The following ADAM22 variants were observed in gnomAD, a reference collection of about 807,000 sequenced individuals.
ADAM22 encodes disintegrin and metalloproteinase domain-containing protein 22.
In ADAM22, 65 loss-of-function variants were observed where a neutral mutation model predicts 144.6. That is an observed-to-expected ratio of 0.45 (90% confidence interval 0.37 to 0.55). ADAM22 has a LOEUF of 0.55. ADAM22 is among the 20% of genes least tolerant of loss of function. ADAM22 has a pLI of 0.00. For missense variants in ADAM22, 974 were observed against 1,184.9 expected, an observed-to-expected ratio of 0.82 and a Z score of 2.61; for synonymous variants, 391 against 412.6, an observed-to-expected ratio of 0.95 and a Z score of 0.63.
chr7:87,974,572 G>A (rs894292017), intron 2 of ADAM22, among the ~76,000 whole-genome samples: 1 of 152,186 alleles, frequency 6.6e-6, no homozygotes, highest in Admixed American at 6.5e-5. Flanking sequence ...CCAAACTGTG[G>A]AGGAAAGTGA....
intron 18 of ADAM22, among the ~76,000 whole-genome samples, chr7:88,149,721 T>C (rs1316610456): frequency 2.0e-5 from 3 of 152,166 alleles, no homozygotes; most frequent in Non-Finnish European, 4.4e-5. Flanking sequence ...AAAAATGCTG[T>C]CAGATTATTA....
At chr7:87,995,193 A>G (rs1217037174) in intron 3 of ADAM22, among the ~76,000 whole-genome samples, 2 of 152,198 alleles carry the variant, frequency 1.3e-5, no homozygotes, top group African/African-American at 2.4e-5. Flanking sequence ...TCCCTCTGCA[A>G]AAATGATATT....
chr7:87,982,068 T>TATATATATATATAC (rs1244517564), intron 3 of ADAM22, among the ~76,000 whole-genome samples: 3 of 93,742 alleles, frequency 3.2e-5, no homozygotes, highest in African/African-American at 4.6e-5. Context: ...TATATATATA[T>TATATATATATATAC]ACACACACAC....
At chr7:88,081,675 C>A in intron 4 of ADAM22, among the ~76,000 whole-genome samples, 1 of 117,968 alleles carries the variant, frequency 8.5e-6, no homozygotes, top group South Asian at 3.6e-4. Flanking sequence ...CCAAAAATCA[C>A]AAGCATTCTT....
In ADAM22 at chr7:87,944,522, C is replaced by CGT. The variant is rs1350695045; in HGVS notation, c.246+9336_246+9337insGT. Among the ~76,000 whole-genome samples, 9 of 152,210 alleles carry CGT rather than the reference C, an allele frequency of 5.9e-5. No homozygotes were observed. In the East Asian group the frequency reaches 1.7e-3, roughly 29 times the overall value. On this transcript the variant is annotated intron_variant, in intron 2 of 31. Transcript: ENST00000413139. ...GGCATAAGTGGCAGTTGAGGCTACA[C>CGT]ATAGCTTGGTGGTATTAATCTAAAG...
At chr7:88,119,408 T>G (rs930706614) in intron 7 of ADAM22, among the ~76,000 whole-genome samples, 1 of 152,212 alleles carries the variant, frequency 6.6e-6, no homozygotes, top group East Asian at 1.9e-4. Flanking sequence ...GTTTAGCACA[T>G]GCCTGTGAGG....
At chr7:87,985,891 A>C (rs1788358850) in intron 3 of ADAM22, among the ~76,000 whole-genome samples, 1 of 152,106 alleles carries the variant, frequency 6.6e-6, no homozygotes, top group South Asian at 2.1e-4. Context: ...CTATTTTCCA[A>C]AGTAGGCTTT....
At chr7:88,044,667 C>G (rs890732882) in intron 3 of ADAM22, among the ~76,000 whole-genome samples, 6 of 151,838 alleles carry the variant, frequency 4.0e-5, no homozygotes, top group Admixed American at 1.3e-4. Context: ...AGGATGGTCT[C>G]GATCTCCTGA....
intron 2 of ADAM22, among the ~76,000 whole-genome samples, chr7:87,945,124 G>A (rs1584483557): frequency 1.3e-5 from 2 of 152,062 alleles, no homozygotes; most frequent in African/African-American, 4.8e-5. Context: ...CAGGAGATGA[G>A]ACCATTAAAT....
rs1423936511 is a variant in ADAM22, at chr7:88,181,945, C to G, written c.2597-13C>G. On this transcript the variant is annotated splice_polypyrimidine_tract_variant and intron_variant, in intron 28 of 31. Coordinates refer to ENST00000413139, the MANE Select transcript of ADAM22 (RefSeq NM_001324418.2). ...ATTTACATGGAAATCTAGCTCTAAA[C>G]CGTCTTTTTCAGGTAACCTGGGAGG... 6.2e-7 allele frequency: 1 copy of G among 1,611,320 alleles called. No homozygotes were observed. The highest frequency in any genetic ancestry group is 8.5e-7 in the Non-Finnish European group (1 of 1,178,752).
intron 2 of ADAM22, among the ~76,000 whole-genome samples, chr7:87,973,845 A>G (rs1391870260): frequency 6.6e-6 from 1 of 152,032 alleles, no homozygotes; most frequent in Non-Finnish European, 1.5e-5. Context: ...AGGACAAAAA[A>G]CCAAACACCG....
At chr7:88,167,793 T>C (rs1276007011) in intron 24 of ADAM22, among the ~76,000 whole-genome samples, 2 of 152,082 alleles carry the variant, frequency 1.3e-5, no homozygotes, top group Non-Finnish European at 2.9e-5. Flanking sequence ...TTTCTAGAAT[T>C]TCTGAGAAAG....
intron 10 of ADAM22, 121 bp from the exon 11 acceptor site, chr7:88,131,148 G>A: frequency 2.6e-6 from 2 of 761,294 alleles, no homozygotes; most frequent in Non-Finnish European, 4.1e-6. Context: ...AAATTAGAAA[G>A]TTATCTCCCT....
intron 30 of ADAM22, among the ~76,000 whole-genome samples, chr7:88,187,890 C>T (rs528337561): frequency 2.6e-5 from 4 of 152,062 alleles, no homozygotes; most frequent in African/African-American, 9.6e-5. Flanking sequence ...CTCCTGCCTG[C>T]TCACAAAAAT....
rs1831482589 is a variant in ADAM22, at chr7:88,130,452, C to T, written c.818C>T (p.Ala273Val). 6.2e-7 allele frequency: 1 copy of T among 1,612,732 alleles called. No homozygotes were observed. The highest frequency in any genetic ancestry group is 8.5e-7 in the Non-Finnish European group (1 of 1,179,014). Residue 273 changes from alanine (A) to valine (V), a missense_variant, in exon 10 of 32, where the codon GCA becomes GTA. Ala to Val is a moderately conservative substitution (Grantham distance 64, BLOSUM62 0). Transcript: ENST00000413139. Reference sequence around the variant, plus strand: ...TATGCGAAATCTGTGGTGAACATGGCAGATTTAGTAAGTATCAACCCCGTT... The same window carrying T: ...TATGCGAAATCTGTGGTGAACATGGTAGATTTAGTAAGTATCAACCCCGTT... ...NTYAKSVVNM[A>V]DLIYKDQLKT...
intron 4 of ADAM22, among the ~76,000 whole-genome samples, chr7:88,093,336 A>T (rs1416811887): frequency 6.6e-6 from 1 of 152,090 alleles, no homozygotes; most frequent in African/African-American, 2.4e-5. Flanking sequence ...AGCTACAATT[A>T]TTTTCCTATT....
chr7:88,002,056 G>A (rs1043140617), intron 3 of ADAM22, among the ~76,000 whole-genome samples: 5 of 152,020 alleles, frequency 3.3e-5, no homozygotes, highest in African/African-American at 9.7e-5. Context: ...ACTTTGCCAA[G>A]TAGTCAAATA....
intron 2 of ADAM22, among the ~76,000 whole-genome samples, chr7:87,973,092 G>A (rs566908287): frequency 1.3e-5 from 2 of 152,196 alleles, no homozygotes; most frequent in Admixed American, 6.5e-5. Flanking sequence ...TTGACAAATC[G>A]GATCTAATTA....
intron 2 of ADAM22, among the ~76,000 whole-genome samples, chr7:87,955,502 C>G (rs1271705257): frequency 6.6e-6 from 1 of 152,148 alleles, no homozygotes; most frequent in Non-Finnish European, 1.5e-5. Context: ...GAAGTTTTGT[C>G]TCAGAGGAGT....
Sources: allele counts gnomAD v4.1 joint callset (sites outside exome capture counted in the v4.1 genomes callset), GRCh38; gene constraint gnomAD v4.1.1; transcripts MANE v1.5; gene names NCBI Gene and HGNC (gene_info 2026-07-23, HGNC 2026-07-21).